The following RIMBP2 variants were observed in gnomAD, a reference collection of about 807,000 sequenced individuals.
The protein encoded by RIMBP2 is RIMS-binding protein 2.
In RIMBP2, 48 loss-of-function variants were observed where a neutral mutation model predicts 118.6. The observed-to-expected ratio is 0.40, with a 90% CI of 0.32 to 0.51. The LOEUF (loss-of-function observed/expected upper bound fraction) is 0.51. Among genes scored for constraint, RIMBP2 ranks in the 20% least tolerant of loss-of-function variants. The pLI, the probability that RIMBP2 is intolerant of heterozygous loss-of-function variation, is 0.41. For missense variants in RIMBP2, 1,551 were observed against 1,768.3 expected (o/e 0.88, Z 2.20); for synonymous variants, 762 against 742.9 (o/e 1.03, Z -0.42).
intron 2 of RIMBP2, among the ~76,000 whole-genome samples, chr12:130,543,669 C>T (rs1459229932): frequency 1.3e-5 from 2 of 152,006 alleles, no homozygotes; most frequent in Non-Finnish European, 2.9e-5. Context: ...CTTCCATTCC[C>T]CCAGTTCTAC....
chr12:130,589,113 G>A (rs1488774212), intron 2 of RIMBP2, among the ~76,000 whole-genome samples: 2 of 152,172 alleles, frequency 1.3e-5, no homozygotes, highest in South Asian at 2.1e-4. Flanking sequence ...GATCTCCAGT[G>A]ACTCTACCCT....
At chr12:130,404,586 A>T (rs1044692482) in intron 21 of RIMBP2, among the ~76,000 whole-genome samples, 1 of 152,204 alleles carries the variant, frequency 6.6e-6, no homozygotes, top group East Asian at 1.9e-4. Flanking sequence ...CGGCCGTTGG[A>T]TCTATATAGT....
rs2078423739 is a variant in RIMBP2, at chr12:130,445,145, T to C, written c.691+15A>G. 6.4e-7 allele frequency: 1 copy of C among 1,557,894 alleles called. No individual in the cohort carries two copies. Among genetic ancestry groups the C allele is most frequent in the Non-Finnish European group, 8.8e-7 (1 of 1,142,620 alleles). On this transcript the variant is annotated intron_variant, in intron 10 of 22. Coordinates refer to ENST00000690449, the MANE Select transcript of RIMBP2 (RefSeq NM_001393629.1). ...GCCCAGCCTACGTCCGCCACAGCCATGTTCCAACAGAGACCTTCATAGAAC... is the reference window on the plus strand; with the variant it reads ...GCCCAGCCTACGTCCGCCACAGCCACGTTCCAACAGAGACCTTCATAGAAC...
At chr12:130,697,602 C>G (rs759650357) in intron 1 of RIMBP2, among the ~76,000 whole-genome samples, 15 of 152,202 alleles carry the variant, frequency 9.9e-5, no homozygotes, top group Non-Finnish European at 1.5e-4. Context: ...GAGGAATATT[C>G]TGCAATTGTC....
intron 2 of RIMBP2, among the ~76,000 whole-genome samples, chr12:130,606,848 T>A (rs2060221147): frequency 6.6e-6 from 1 of 152,172 alleles, no homozygotes; most frequent in Non-Finnish European, 1.5e-5. Context: ...CAATTCTTTT[T>A]TAAGATGAAG....
rs1304057681 is a variant in RIMBP2 at position 130,419,158 on chromosome 12, C to G, written c.3238+3295G>C. ...ATGTGTCCATGGAAACTTGGCTTCA[C>G]TGCAGACTGGACTGGGCAGTTGGGG... On this transcript the variant is annotated intron_variant, in intron 17 of 22. Coordinates refer to ENST00000690449, the MANE Select transcript of RIMBP2 (RefSeq NM_001393629.1). This position sits in a 1 kb window ranked among gnomAD's most constrained non-coding sequence, Gnocchi z 4.3. 1.3e-5 allele frequency among the ~76,000 whole-genome samples: 2 copies of G among 152,184 alleles called. No homozygotes were observed. Among genetic ancestry groups the G allele is most frequent in the African/African-American group, 4.8e-5 (2 of 41,438 alleles).
chr12:130,627,662 C>T (rs2061725468), intron 2 of RIMBP2, among the ~76,000 whole-genome samples: 1 of 152,190 alleles, frequency 6.6e-6, no homozygotes, highest in African/African-American at 2.4e-5. Context: ...TCCTCCCCTT[C>T]CACCATGCAG....
Position 130,683,147 on chromosome 12 carries a change from G to C in RIMBP2, c.-352+33075C>G, listed in dbSNP as rs1425803119. ...AAGGGTAGAGATGAGATCCAGGGGG[G>C]TTGGGGTGGACCCTCCATCTGATGA... On this transcript the variant is annotated intron_variant, in intron 1 of 22. Coordinates refer to ENST00000690449, the MANE Select transcript of RIMBP2 (RefSeq NM_001393629.1). The surrounding 1 kb of genome is among the most constrained non-coding windows in gnomAD (Gnocchi z 4.4). 1.3e-5 allele frequency among the ~76,000 whole-genome samples: 2 copies of C among 152,166 alleles called. No homozygotes were observed. The highest frequency in any genetic ancestry group is 1.5e-5 in the Non-Finnish European group (1 of 68,028).
intron 1 of RIMBP2, among the ~76,000 whole-genome samples, chr12:130,680,676 A>G (rs1376194484): frequency 6.6e-6 from 1 of 152,180 alleles, no homozygotes; most frequent in Non-Finnish European, 1.5e-5. Context: ...GGTTATTGCA[A>G]CTGGGGAGTG....
intron 4 of RIMBP2, among the ~76,000 whole-genome samples, chr12:130,493,382 T>C (rs61937084): frequency 0.23 from 34,569 of 151,980 alleles, 4,667 homozygotes; most frequent in Non-Finnish European, 0.3. Context: ...TGGCGTGATC[T>C]CGGCTCACTG....
At chr12:130,498,281 G>A (rs576755748) in intron 4 of RIMBP2, among the ~76,000 whole-genome samples, 10 of 152,324 alleles carry the variant, frequency 6.6e-5, no homozygotes, top group South Asian at 4.1e-4. Flanking sequence ...AGTGCCGGTC[G>A]GTTCAGCGAG....
At chr12:130,476,704 AT>A (rs1162892440) in intron 5 of RIMBP2, among the ~76,000 whole-genome samples, 2 of 152,170 alleles carry the variant, frequency 1.3e-5, no homozygotes, top group African/African-American at 4.8e-5. Flanking sequence ...GGCCCCGTCA[AT>A]CCGCCACTCA....
chr12:130,451,584 G>A (rs376432874), intron 7 of RIMBP2, among the ~76,000 whole-genome samples: 4 of 152,256 alleles, frequency 2.6e-5, no homozygotes, highest in Admixed American at 6.5e-5. Context: ...GGCTCAGGAC[G>A]AGGATGGTCC....
chr12:130,456,928 T>C (rs1356082), intron 6 of RIMBP2, among the ~76,000 whole-genome samples: 66,427 of 152,070 alleles, frequency 0.44, 14,819 homozygotes, highest in Non-Finnish European at 0.46. Context: ...CCTCCCACTT[T>C]CACGGGAGAG....
At chr12:130,674,823 C>T (rs10848184) in intron 1 of RIMBP2, among the ~76,000 whole-genome samples, 31,078 of 151,366 alleles carry the variant, frequency 0.21, 3,882 homozygotes, top group Non-Finnish European at 0.3. Flanking sequence ...TGTGTGGGTT[C>T]GCCTGCTCGG....
chr12:130,675,062 G>A (rs1293175691), intron 1 of RIMBP2, among the ~76,000 whole-genome samples: 1 of 152,198 alleles, frequency 6.6e-6, no homozygotes, highest in Non-Finnish European at 1.5e-5. Context: ...ACCCATTCGT[G>A]TCAAAGAGAG....
intron 4 of RIMBP2, among the ~76,000 whole-genome samples, chr12:130,486,773 CG>C (rs1319398653): frequency 6.6e-6 from 1 of 152,056 alleles, no homozygotes; most frequent in Non-Finnish European, 1.5e-5. Flanking sequence ...CCATGTCTGC[CG>C]TTCTCTCCTG....
intron 2 of RIMBP2, among the ~76,000 whole-genome samples, chr12:130,522,225 CA>C (rs1422488831): frequency 1.3e-5 from 2 of 152,212 alleles, no homozygotes; most frequent in African/African-American, 4.8e-5. Flanking sequence ...GTTGCAAAAT[CA>C]TGGGCAAAAA....
intron 10 of RIMBP2, among the ~76,000 whole-genome samples, chr12:130,444,746 AC>A (rs1428554593): frequency 6.6e-6 from 1 of 152,172 alleles, no homozygotes; most frequent in Non-Finnish European, 1.5e-5. Context: ...GCCAAGAGCC[AC>A]CTTCCCGTGA....
Sources: gnomAD v4.1 joint callset for allele counts (sites outside exome capture counted in the v4.1 genomes callset) on GRCh38, gnomAD v4.1.1 for gene constraint, Gnocchi (gnomAD v3.1) non-coding constraint, MANE v1.5 for transcripts, NCBI Gene and HGNC (gene_info 2026-07-23, HGNC 2026-07-21) for gene names.